SERINC5: variants seen among roughly 807,000 people sequenced by gnomAD.
SERINC5 encodes the protein serine incorporator 5.
SERINC5 carries 41 observed loss-of-function variants against 63.1 expected under a neutral mutation model. That is an observed-to-expected ratio of 0.65 (90% confidence interval 0.51 to 0.84). The LOEUF is 0.84. Ranked by LOEUF, SERINC5 falls within the 40% of genes least tolerant of loss-of-function variation. The pLI is 0.00. For missense variants in SERINC5, 523 were observed against 573.0 expected (o/e 0.91, Z 0.89); for synonymous variants, 222 against 215.2 (o/e 1.03, Z -0.28).
intron 7 of SERINC5, among the ~76,000 whole-genome samples, chr5:80,163,278 C>T (rs11951568): frequency 0.3 from 46,117 of 152,032 alleles, 8,309 homozygotes; most frequent in African/African-American, 0.51. Flanking sequence ...ACATCATCAA[C>T]AAACACGACA....
intron 1 of SERINC5, among the ~76,000 whole-genome samples, chr5:80,237,033 C>T (rs913059729): frequency 4.6e-5 from 7 of 151,952 alleles, no homozygotes; most frequent in Admixed American, 3.9e-4. Context: ...ACCACGTTGG[C>T]CAGGCCGGTC....
rs1428854777 is a variant in SERINC5 at position 80,141,602 on chromosome 5, T to C, written c.*2061A>G. 2.0e-6 allele frequency: 2 copies of C among 985,468 alleles called. No homozygotes were observed. The highest frequency in any genetic ancestry group is 2.3e-4 in the East Asian group (2 of 8,810). 61.0% of individuals were successfully genotyped at this position (985,468 alleles called of 1,614,324 possible). A position where few individuals can be genotyped will look rare whatever the true frequency, so the allele number is the denominator to read the frequency against. ...TCTTTACCTGCTTCCCCTCAGGGTG[T>C]TTCCTAAAGACAACCCCCAAGGCCC... On this transcript the variant is annotated 3_prime_UTR_variant, in exon 12 of 12. Transcript: ENST00000507668.
At chr5:80,137,730 T>C (rs931468094), downstream of SERINC5, among the ~76,000 whole-genome samples, 17 of 149,896 alleles carry the variant, frequency 1.1e-4, no homozygotes, top group African/African-American at 3.9e-4. Context: ...TTGCTTGAGG[T>C]CGGGAGTTTA....
chr5:80,234,289 C>T (rs1751588515), intron 1 of SERINC5, among the ~76,000 whole-genome samples: 1 of 152,142 alleles, frequency 6.6e-6, no homozygotes, highest in Non-Finnish European at 1.5e-5. Context: ...AATCTTAGCA[C>T]CATTGTTTTA....
intron 11 of SERINC5, among the ~76,000 whole-genome samples, chr5:80,122,213 A>ATATATATAT (rs1554057292): frequency 7.5e-5 from 8 of 107,360 alleles, no homozygotes; most frequent in African/African-American, 2.2e-4. Flanking sequence ...ATATATATAT[A>ATATATATAT]ATATGAGTTT....
intron 4 of SERINC5, among the ~76,000 whole-genome samples, chr5:80,177,076 C>T (rs1490303545): frequency 6.6e-6 from 1 of 152,084 alleles, no homozygotes. Flanking sequence ...GTCTCCCAGG[C>T]CAGCAGAGTA....
At chr5:80,216,838 C>T (rs1349465908) in intron 1 of SERINC5, among the ~76,000 whole-genome samples, 2 of 151,986 alleles carry the variant, frequency 1.3e-5, no homozygotes, top group Admixed American at 6.6e-5. Flanking sequence ...TAGTGAGACA[C>T]TGTCTCTACA....
At chr5:80,171,364 A>G (rs1747645279) in intron 5 of SERINC5, among the ~76,000 whole-genome samples, 1 of 152,182 alleles carries the variant, frequency 6.6e-6, no homozygotes, top group African/African-American at 2.4e-5. Flanking sequence ...AAGTGTTGCC[A>G]GCAGCTCTGA....
intron 11 of SERINC5, among the ~76,000 whole-genome samples, chr5:80,144,222 T>C (rs1405456124): frequency 6.6e-6 from 1 of 152,152 alleles, no homozygotes; most frequent in East Asian, 1.9e-4. Flanking sequence ...TCTTATTGTA[T>C]GGATAGAGCA....
At position 80,164,910 on chromosome 5, in the gene SERINC5, G is replaced by GTTTTTTTTTTTTTTTTTTTTTTTTTT. The variant is rs70982026; in HGVS notation, c.859+1472_859+1473insAAAAAAAAAAAAAAAAAAAAAAAAAA. On this transcript the variant is annotated intron_variant, in intron 7 of 11. Transcript: ENST00000507668. The stretch of plus-strand genomic sequence containing the variant: ...TGAAATTTAAAATAACTTTTTTTCT[G>GTTTTTTTTTTTTTTTTTTTTTTTTTT]TTTTTTTTTTTTTTTTTTTTTTGTA... Among the ~76,000 whole-genome samples the GTTTTTTTTTTTTTTTTTTTTTTTTTT allele has an allele frequency of 7.0e-5, 6 of 85,182 alleles. 1 individual carries two copies. The highest frequency in any genetic ancestry group is 1.5e-4 in the African/African-American group (3 of 20,462). 55.9% of individuals were successfully genotyped at this position (85,182 alleles called of 152,430 possible). A position where few individuals can be genotyped will look rare whatever the true frequency, so the allele number is the denominator to read the frequency against.
chr5:80,222,252 T>A (rs1176508057), intron 1 of SERINC5, among the ~76,000 whole-genome samples: 1 of 151,946 alleles, frequency 6.6e-6, no homozygotes, highest in African/African-American at 2.4e-5. Flanking sequence ...CAGGGGAAAA[T>A]CTGCTACGCT....
chr5:80,158,706 C>CT, intron 8 of SERINC5, 130 bp downstream of exon 8: 1 of 852,334 alleles, frequency 1.2e-6, no homozygotes, highest in Non-Finnish European at 1.8e-6. Context: ...CGCTCTTCGC[C>CT]TTTTTACTTG....
rs1745537365 is a variant in SERINC5 at position 80,141,987 on chromosome 5, A to T, written c.*1676T>A. On this transcript the variant is annotated 3_prime_UTR_variant, in exon 12 of 12. Transcript: ENST00000507668. ...AGGAATGAATAGAAAGAATTTCACTAATTTCACCCACCAGCATTTTGGCAC... is the reference window on the plus strand; with the variant it reads ...AGGAATGAATAGAAAGAATTTCACTTATTTCACCCACCAGCATTTTGGCAC... 1.0e-6 allele frequency: 1 copy of T among 985,272 alleles called. No homozygotes were observed. The highest frequency in any genetic ancestry group is 4.7e-5 in the South Asian group (1 of 21,288). The allele number at this position is 985,272 out of a possible 1,614,324, so 61.0% of individuals were successfully genotyped here. A position where few individuals can be genotyped will look rare whatever the true frequency, so the allele number is the denominator to read the frequency against.
At chr5:80,128,011 T>C (rs1052395812) in intron 11 of SERINC5, among the ~76,000 whole-genome samples, 2 of 152,216 alleles carry the variant, frequency 1.3e-5, no homozygotes, top group African/African-American at 4.8e-5. Flanking sequence ...ATTTCAAACT[T>C]AGTTATCAAC....
intron 2 of SERINC5, among the ~76,000 whole-genome samples, chr5:80,178,535 GTATTTT>G (rs1396141453): frequency 3.7e-5 from 3 of 81,560 alleles, no homozygotes; most frequent in African/African-American, 1.3e-4. Context: ...GCTAATTTTT[GTATTTT>G]TTTTTTTTTT....
At chr5:80,210,886 CA>C (rs1261235630) in intron 1 of SERINC5, among the ~76,000 whole-genome samples, 1 of 152,152 alleles carries the variant, frequency 6.6e-6, no homozygotes, top group Admixed American at 6.5e-5. Context: ...ATCTCACATC[CA>C]ACGGATGGGC....
intron 1 of SERINC5, among the ~76,000 whole-genome samples, chr5:80,209,403 G>A (rs1750329401): frequency 6.6e-6 from 1 of 152,182 alleles, no homozygotes; most frequent in Non-Finnish European, 1.5e-5. Flanking sequence ...AAGCCAAGGA[G>A]AGAGGCCTCA....
At position 80,121,531 on chromosome 5, in the gene SERINC5, G is replaced by A. The variant is rs146804834; in HGVS notation, c.1239-7906C>T. Among the ~76,000 whole-genome samples the A allele has an allele frequency of 8.8e-3, 1,339 of 152,192 alleles. 6 individuals are homozygous for A. Among genetic ancestry groups the A allele is most frequent in the Non-Finnish European group, 0.014 (974 of 68,002 alleles). The stretch of plus-strand genomic sequence containing the variant: ...CCTCCAACACTGAGGATTACATCTC[G>A]ACATGAGATTTGGAGGGGCCATCTA... On this transcript the variant is annotated intron_variant, in intron 11 of 12. Transcript: ENST00000509193.
chr5:80,206,630 C>T (rs1750179197), intron 1 of SERINC5, among the ~76,000 whole-genome samples: 1 of 152,060 alleles, frequency 6.6e-6, no homozygotes, highest in South Asian at 2.1e-4. Flanking sequence ...TTTTATGGGC[C>T]ACTTTCCTTT....
Sources: allele counts gnomAD v4.1 joint callset (sites outside exome capture counted in the v4.1 genomes callset), GRCh38; gene constraint gnomAD v4.1.1; transcripts MANE v1.5; gene names NCBI Gene and HGNC (gene_info 2026-07-23, HGNC 2026-07-21).